Variants in ADAMTS16 observed in about 807,000 individuals in gnomAD.
The protein encoded by ADAMTS16 is A disintegrin and metalloproteinase with thrombospondin motifs 16.
A neutral mutation model predicts 145.8 loss-of-function variants in ADAMTS16; 94 were observed. That is an observed-to-expected ratio of 0.64 (90% CI 0.55 to 0.77). The LOEUF (loss-of-function observed/expected upper bound fraction) is 0.77. Among genes scored for constraint, ADAMTS16 ranks in the 30% least tolerant of loss-of-function variants. The probability of loss-of-function intolerance (pLI) is 0.00; values close to 1 mark genes in which losing one functional copy is unlikely to be tolerated. For synonymous variants in ADAMTS16, 659 were observed against 604.3 expected, an observed-to-expected ratio of 1.09 and a Z score of -1.33; for missense variants, 1,585 against 1,591.5, an observed-to-expected ratio of 1.00 and a Z score of 0.07.
chr5:5,255,385 T>C (rs1737747123), intron 17 of ADAMTS16, among the ~76,000 whole-genome samples: 1 of 152,214 alleles, frequency 6.6e-6, no homozygotes, highest in Non-Finnish European at 1.5e-5. Context: ...AATAGAGAGA[T>C]TGAAAGAGTA....
At chr5:5,280,603 C>T (rs753087279) in intron 18 of ADAMTS16, among the ~76,000 whole-genome samples, 9 of 152,152 alleles carry the variant, frequency 5.9e-5, no homozygotes, top group South Asian at 2.1e-4. Flanking sequence ...TGGGAACCTC[C>T]TTCCTGGCCT....
At chr5:5,272,070 T>C (rs966032787) in intron 18 of ADAMTS16, among the ~76,000 whole-genome samples, 1 of 152,162 alleles carries the variant, frequency 6.6e-6, no homozygotes, top group African/African-American at 2.4e-5. Flanking sequence ...CTTATCTCTT[T>C]TCGATCTGAG....
intron 9 of ADAMTS16, among the ~76,000 whole-genome samples, chr5:5,201,162 T>C (rs1735943952): frequency 6.6e-6 from 1 of 152,064 alleles, no homozygotes; most frequent in South Asian, 2.1e-4. Context: ...ACTGCAGCCA[T>C]CCGGGGACTG....
intron 8 of ADAMTS16, among the ~76,000 whole-genome samples, chr5:5,192,029 G>T (rs1220737339): frequency 6.6e-6 from 1 of 152,092 alleles, no homozygotes; most frequent in Non-Finnish European, 1.5e-5. Context: ...TGTCAATCAG[G>T]CTGGAGTGTA....
At chr5:5,179,925 C>A (rs920728916) in intron 3 of ADAMTS16, among the ~76,000 whole-genome samples, 1 of 152,178 alleles carries the variant, frequency 6.6e-6, no homozygotes, top group African/African-American at 2.4e-5. Flanking sequence ...AACCTACTCT[C>A]CTCTGTCTTT....
intron 3 of ADAMTS16, 65 bp downstream of exon 3, chr5:5,146,520 C>A: frequency 6.8e-7 from 1 of 1,464,518 alleles, no homozygotes; most frequent in South Asian, 1.3e-5. Flanking sequence ...AGAGCGTAAC[C>A]AGGACTTTCC....
intron 8 of ADAMTS16, among the ~76,000 whole-genome samples, chr5:5,197,308 T>C (rs1322922080): frequency 6.6e-6 from 1 of 152,184 alleles, no homozygotes; most frequent in East Asian, 1.9e-4. Context: ...CAAAAAATAT[T>C]GTAGAAGATG....
chr5:5,265,598 C>A (rs1738211457), intron 18 of ADAMTS16, among the ~76,000 whole-genome samples: 1 of 152,176 alleles, frequency 6.6e-6, no homozygotes, highest in African/African-American at 2.4e-5. Flanking sequence ...AGGGATGTAG[C>A]CTTGAGCTGT....
intron 9 of ADAMTS16, among the ~76,000 whole-genome samples, chr5:5,201,533 A>G (rs2126593188): frequency 6.6e-6 from 1 of 152,220 alleles, no homozygotes; most frequent in East Asian, 1.9e-4. Context: ...CAACAAAAGC[A>G]AAGGGTTTTT....
intron 9 of ADAMTS16, among the ~76,000 whole-genome samples, chr5:5,206,413 G>A (rs1183159411): frequency 3.6e-4 from 22 of 60,554 alleles, no homozygotes; most frequent in African/African-American, 1.2e-3. Flanking sequence ...GCGACAGAGC[G>A]AGACTCCGTC....
intron 3 of ADAMTS16, among the ~76,000 whole-genome samples, chr5:5,170,636 C>G (rs189747102): frequency 6.6e-6 from 1 of 152,190 alleles, no homozygotes; most frequent in African/African-American, 2.4e-5. Flanking sequence ...CCTCAGCCCC[C>G]CAAAGTGCTG....
At chr5:5,232,248 G>C (rs1736950046) in intron 11 of ADAMTS16, 120 bp from the exon 12 acceptor site, 2 of 1,129,944 alleles carry the variant, frequency 1.8e-6, no homozygotes, top group South Asian at 1.4e-5. Flanking sequence ...AGTGTAGGGG[G>C]AGGCTAATGT....
At chr5:5,312,448 A>ATT (rs11458204) in intron 21 of ADAMTS16, among the ~76,000 whole-genome samples, 1,508 of 134,410 alleles carry the variant, frequency 0.011, 29 homozygotes, top group African/African-American at 0.033. Context: ...TGTTGTTGTT[A>ATT]TTTTTTTTTT....
rs560416225 is a variant in ADAMTS16, at chr5:5,310,646, A to G, written c.3411+3918A>G. Reference sequence around the variant, plus strand: ...CGGAGTGGTGCCCATATGACAAAGAACACCGAGGACTGCCAGCACCACCAG... The same window carrying G: ...CGGAGTGGTGCCCATATGACAAAGAGCACCGAGGACTGCCAGCACCACCAG... On this transcript the variant is annotated intron_variant, in intron 21 of 22. Coordinates refer to ENST00000274181, the MANE Select transcript of ADAMTS16 (RefSeq NM_139056.4). This position sits in a 1 kb window ranked among gnomAD's most constrained non-coding sequence, Gnocchi z 4.3. 6.6e-6 allele frequency among the ~76,000 whole-genome samples: 1 copy of G among 152,168 alleles called. No individual in the cohort carries two copies. Among genetic ancestry groups the G allele is most frequent in the African/African-American group, 2.4e-5 (1 of 41,520 alleles).
chr5:5,140,901 T>C (rs1734148270), intron 2 of ADAMTS16, 135 bp downstream of exon 2: 1 of 891,428 alleles, frequency 1.1e-6, no homozygotes, highest in Non-Finnish European at 1.6e-6. Context: ...GTGAACTTTT[T>C]TTTTTTTTAA....
chr5:5,145,838 C>T (rs906437706), intron 2 of ADAMTS16, among the ~76,000 whole-genome samples: 11 of 152,120 alleles, frequency 7.2e-5, no homozygotes, highest in African/African-American at 2.4e-4. Context: ...GGAGCATGCC[C>T]CTGAGTGGCT....
intron 18 of ADAMTS16, among the ~76,000 whole-genome samples, chr5:5,271,978 A>T (rs1738495109): frequency 6.6e-6 from 1 of 152,226 alleles, no homozygotes. Context: ...GATAAGGCTC[A>T]GCAGGGCAGC....
intron 18 of ADAMTS16, among the ~76,000 whole-genome samples, chr5:5,279,903 TTCTTTTC>T (rs909179714): frequency 5.1e-5 from 2 of 39,198 alleles, no homozygotes; most frequent in African/African-American, 1.1e-4. Flanking sequence ...CTTCTTTCTT[TTCTTTTC>T]TTTCTTTATT....
At chr5:5,184,608 G>T (rs963899090) in intron 4 of ADAMTS16, among the ~76,000 whole-genome samples, 3 of 152,166 alleles carry the variant, frequency 2.0e-5, no homozygotes, top group African/African-American at 7.2e-5. Flanking sequence ...ACAGAGGCAG[G>T]TTGATTTGCT....
Sources: allele counts gnomAD v4.1 joint callset (sites outside exome capture counted in the v4.1 genomes callset), GRCh38; gene constraint gnomAD v4.1.1; non-coding constraint Gnocchi (gnomAD v3.1); transcripts MANE v1.5; gene names NCBI Gene and HGNC (gene_info 2026-07-23, HGNC 2026-07-21).